ZNF804A: variants seen among roughly 807,000 people sequenced by gnomAD.
The protein encoded by ZNF804A is zinc finger protein 804A.
In ZNF804A, 2 loss-of-function variants were observed where a neutral mutation model predicts 16.5. That is an observed-to-expected ratio of 0.12 (90% confidence interval 0.05 to 0.38). The LOEUF is 0.38. Ranked by LOEUF, ZNF804A falls within the 10% of genes least tolerant of loss-of-function variation. The probability of loss-of-function intolerance (pLI) is 0.99; values close to 1 mark genes in which losing one functional copy is unlikely to be tolerated. For synonymous variants in ZNF804A, 534 were observed against 489.6 expected (o/e 1.09, Z -1.20); for missense variants, 1,473 against 1,390.7 (o/e 1.06, Z -0.94).
At chr2:184,623,890 C>G (rs1691455172) in intron 1 of ZNF804A, among the ~76,000 whole-genome samples, 2 of 152,112 alleles carry the variant, frequency 1.3e-5, no homozygotes, top group African/African-American at 2.4e-5. Context: ...TAACATTCCA[C>G]CAGGCCTCAA....
At chr2:184,619,036 T>C (rs1187485291) in intron 1 of ZNF804A, among the ~76,000 whole-genome samples, 1 of 152,066 alleles carries the variant, frequency 6.6e-6, no homozygotes, top group Non-Finnish European at 1.5e-5. Flanking sequence ...TACTAATTGC[T>C]GGCTTTGCTG....
intron 1 of ZNF804A, among the ~76,000 whole-genome samples, chr2:184,829,929 C>CAAAAA (rs1225922566): frequency 5.5e-5 from 4 of 72,614 alleles, no homozygotes; most frequent in African/African-American, 8.7e-5. Flanking sequence ...AAAACAAAAA[C>CAAAAA]AAAAAAAAAA....
chr2:184,860,434 C>A (rs773140502), intron 1 of ZNF804A, among the ~76,000 whole-genome samples: 6 of 152,196 alleles, frequency 3.9e-5, no homozygotes, highest in Non-Finnish European at 5.9e-5. Context: ...GTGAATGAAC[C>A]TAGATTATAT....
At chr2:184,820,629 C>CT (rs869177045) in intron 1 of ZNF804A, among the ~76,000 whole-genome samples, 18 of 152,130 alleles carry the variant, frequency 1.2e-4, no homozygotes, top group Admixed American at 3.9e-4. Flanking sequence ...GTCAAATTAT[C>CT]TTTTTTTGCC....
chr2:184,923,545 CTT>C (rs1296402139), intron 2 of ZNF804A, among the ~76,000 whole-genome samples: 3 of 151,966 alleles, frequency 2.0e-5, no homozygotes, highest in Admixed American at 2.0e-4. Context: ...ATTTCTTTCT[CTT>C]GTCTGATTGA....
chr2:184,712,098 A>G (rs1299559984), intron 1 of ZNF804A, among the ~76,000 whole-genome samples: 3 of 151,784 alleles, frequency 2.0e-5, no homozygotes, highest in African/African-American at 2.4e-5. Context: ...GTCCACAAAC[A>G]TGGGATGTCT....
intron 1 of ZNF804A, among the ~76,000 whole-genome samples, chr2:184,805,006 G>A (rs1273906057): frequency 1.3e-5 from 2 of 152,092 alleles, no homozygotes; most frequent in African/African-American, 4.8e-5. Flanking sequence ...AGGCTACAGA[G>A]GTTTTATTTC....
intron 1 of ZNF804A, among the ~76,000 whole-genome samples, chr2:184,606,260 G>A (rs1380306229): frequency 6.6e-6 from 1 of 152,260 alleles, no homozygotes; most frequent in South Asian, 2.1e-4. Context: ...ACGTGGCTGG[G>A]GAGGCCTCAG....
At chr2:184,615,417 A>G (rs1351382321) in intron 1 of ZNF804A, among the ~76,000 whole-genome samples, 2 of 152,200 alleles carry the variant, frequency 1.3e-5, no homozygotes, top group African/African-American at 4.8e-5. Context: ...TTTGCCAAAG[A>G]CAGTCCCAGT....
intron 1 of ZNF804A, among the ~76,000 whole-genome samples, chr2:184,627,905 A>T (rs941740530): frequency 9.2e-5 from 14 of 152,204 alleles, no homozygotes; most frequent in Non-Finnish European, 1.8e-4. Context: ...GTTTAGAAGG[A>T]ATTAAAACAG....
In ZNF804A at chr2:184,937,972, C is replaced by T. The variant is rs752913709; in HGVS notation, c.2576C>T (p.Pro859Leu). Residue 859 changes from proline (P) to leucine (L), a missense_variant, in exon 4 of 4, where the codon CCA (proline) becomes CTA (leucine). Transcript: ENST00000302277. ...ISEDKKEKMK[P>L]QEVAKIERNS... ...GAAGACAAAAAAGAGAAAATGAAACCACAAGAAGTTGCAAAAATCGAAAGG... is the reference window on the plus strand; with the variant it reads ...GAAGACAAAAAAGAGAAAATGAAACTACAAGAAGTTGCAAAAATCGAAAGG... 6.2e-7 allele frequency: 1 copy of T among 1,613,812 alleles called. No individual in the cohort carries two copies. The highest frequency in any genetic ancestry group is 8.5e-7 in the Non-Finnish European group (1 of 1,179,980).
At chr2:184,802,210 C>G (rs901875320) in intron 1 of ZNF804A, among the ~76,000 whole-genome samples, 1 of 152,170 alleles carries the variant, frequency 6.6e-6, no homozygotes, top group African/African-American at 2.4e-5. Context: ...AGTTTTGCTT[C>G]ACCTTCTCCT....
chr2:184,785,922 T>C (rs180855810), intron 1 of ZNF804A, among the ~76,000 whole-genome samples: 88 of 152,182 alleles, frequency 5.8e-4, no homozygotes, highest in African/African-American at 2.1e-3. Flanking sequence ...TACTTTATGT[T>C]AGATGCAGCC....
chr2:184,844,783 A>G (rs1161569099), intron 1 of ZNF804A, among the ~76,000 whole-genome samples: 5 of 151,750 alleles, frequency 3.3e-5, no homozygotes, highest in African/African-American at 9.7e-5. Flanking sequence ...GTCCGCAGCC[A>G]TTGTTACTTC....
Position 184,938,595 on chromosome 2 carries a change from T to C in ZNF804A, c.3199T>C (p.Phe1067Leu). The stretch of plus-strand genomic sequence containing the variant: ...AAACATGCTGGCCAACAAGGTTAAA[T>C]TTACCTTTCCTCCAGCTGCCCTCCC... Reference protein sequence around the residue: ...QPNMLANKVKFTFPPAALPPP... With the variant: ...QPNMLANKVKLTFPPAALPPP... Residue 1067 changes from phenylalanine to leucine, a missense_variant, in exon 4 of 4, where the codon TTT (phenylalanine) becomes CTT (leucine). Transcript: ENST00000302277. 1 of 1,613,930 alleles carries C rather than the reference T, an allele frequency of 6.2e-7. No homozygotes were observed. The highest frequency in any genetic ancestry group is 8.5e-7 in the Non-Finnish European group (1 of 1,179,956).
At chr2:184,683,596 A>T (rs1692576933) in intron 1 of ZNF804A, among the ~76,000 whole-genome samples, 1 of 152,202 alleles carries the variant, frequency 6.6e-6, no homozygotes, top group Non-Finnish European at 1.5e-5. Context: ...GAGCTTCAAT[A>T]GCAAGAACAG....
intron 1 of ZNF804A, among the ~76,000 whole-genome samples, chr2:184,653,718 T>C (rs889743648): frequency 5.3e-5 from 8 of 152,150 alleles, no homozygotes; most frequent in African/African-American, 9.7e-5. Context: ...GCACAGTGCA[T>C]TTACAGGAGT....
intron 1 of ZNF804A, among the ~76,000 whole-genome samples, chr2:184,734,741 G>C (rs1264977604): frequency 6.6e-6 from 1 of 152,148 alleles, no homozygotes; most frequent in African/African-American, 2.4e-5. Flanking sequence ...TGCTCATTCT[G>C]TCCATATCTG....
intron 1 of ZNF804A, among the ~76,000 whole-genome samples, chr2:184,858,015 T>A (rs1695730210): frequency 6.6e-6 from 1 of 152,008 alleles, no homozygotes; most frequent in African/African-American, 2.4e-5. Context: ...TCTGGTTATT[T>A]TGTAGATCTT....
Sources: allele counts gnomAD v4.1 joint callset (sites outside exome capture counted in the v4.1 genomes callset), GRCh38; gene constraint gnomAD v4.1.1; transcripts MANE v1.5; gene names NCBI Gene and HGNC (gene_info 2026-07-23, HGNC 2026-07-21).